Variants in LYPLAL1 observed in about 807,000 individuals in gnomAD.
The protein encoded by LYPLAL1 is lysophospholipase-like protein 1.
In LYPLAL1, 23 loss-of-function variants were observed where a neutral mutation model predicts 19.7. The observed-to-expected ratio is 1.17, with a 90% CI of 0.84 to 1.65. The LOEUF (loss-of-function observed/expected upper bound fraction) is 1.65. Among genes scored for constraint, LYPLAL1 ranks in the 40% most tolerant of loss-of-function variants. LYPLAL1 has a pLI of 0.00. For missense variants in LYPLAL1, 355 were observed against 279.4 expected (o/e 1.27, Z -1.93); for synonymous variants, 119 against 96.3 (o/e 1.24, Z -1.38).
the LYPLAL1 span, among the ~76,000 whole-genome samples, chr1:219,374,160 C>T: frequency 1.0e-4 from 14 of 140,364 alleles, no homozygotes; most frequent in Middle Eastern, 3.7e-3. Context: ...TTGGTGGGGG[C>T]GGTATGGATA....
chr1:219,348,516 A>G, the LYPLAL1 span, among the ~76,000 whole-genome samples: 1 of 152,230 alleles, frequency 6.6e-6, no homozygotes, highest in Non-Finnish European at 1.5e-5. Context: ...TTTTCAAGAA[A>G]GAATATGTCT....
the LYPLAL1 span, among the ~76,000 whole-genome samples, chr1:219,425,003 T>G: frequency 6.6e-6 from 1 of 152,206 alleles, no homozygotes; most frequent in African/African-American, 2.4e-5. Context: ...CCGTTCAAAC[T>G]ACAATAACAA....
chr1:219,279,145 G>A, the LYPLAL1 span, among the ~76,000 whole-genome samples: 30,207 of 151,984 alleles, frequency 0.2, 3,203 homozygotes, highest in Middle Eastern at 0.24. Context: ...TGCCTCCTCC[G>A]CCAACAGCTA....
chr1:219,200,275 C>T (rs771318368), intron 3 of LYPLAL1: 1 of 223,642 alleles, frequency 4.5e-6, no homozygotes, highest in Non-Finnish European at 9.7e-6. Context: ...TTCTTCACTA[C>T]CATTTGTAGC....
chr1:219,285,316 A>G, the LYPLAL1 span, among the ~76,000 whole-genome samples: 4 of 152,212 alleles, frequency 2.6e-5, no homozygotes, highest in Admixed American at 2.0e-4. Flanking sequence ...GGACTGCTGT[A>G]TAATACAATG....
the LYPLAL1 span, among the ~76,000 whole-genome samples, chr1:219,427,078 A>G: frequency 6.6e-6 from 1 of 152,222 alleles, no homozygotes; most frequent in Admixed American, 6.5e-5. Context: ...CTTTATGCAA[A>G]TAAGTGTTAA....
In LYPLAL1 at chr1:219,212,578, A is replaced by G. The variant is rs1031757993; in HGVS notation, c.*850A>G. On this transcript the variant is annotated 3_prime_UTR_variant, in exon 5 of 5. Transcript: ENST00000366928. ...TTCATATATTAGTTGGTTCTCATGC[A>G]TACATAATCTAATTTTATTTGATCC... 6.6e-6 allele frequency: 1 copy of G among 152,046 alleles called. No homozygotes were observed. The highest frequency in any genetic ancestry group is 2.4e-5 in the African/African-American group (1 of 41,430). 9.4% of individuals were successfully genotyped at this position (152,046 alleles called of 1,614,324 possible).
chr1:219,262,063 A>T, the LYPLAL1 span, among the ~76,000 whole-genome samples: 146,864 of 152,124 alleles, frequency 0.97, 71,119 homozygotes, highest in East Asian at 1. Context: ...TTCTTATTTG[A>T]CTCTGTCTGA....
At chr1:219,310,755 A>G in the LYPLAL1 span, among the ~76,000 whole-genome samples, 1 of 152,026 alleles carries the variant, frequency 6.6e-6, no homozygotes, top group African/African-American at 2.4e-5. Flanking sequence ...CCCTATGGGA[A>G]AAACGAACAA....
the LYPLAL1 span, among the ~76,000 whole-genome samples, chr1:219,280,417 G>A: frequency 1.3e-5 from 2 of 152,048 alleles, no homozygotes; most frequent in African/African-American, 4.8e-5. Context: ...TGCTTTTCCA[G>A]GATTTGAATC....
chr1:219,336,758 C>T, the LYPLAL1 span, among the ~76,000 whole-genome samples: 1 of 151,970 alleles, frequency 6.6e-6, no homozygotes, highest in Admixed American at 6.6e-5. Context: ...TATAACCAAT[C>T]AGCTTGGGAA....
intron 2 of LYPLAL1, among the ~76,000 whole-genome samples, chr1:219,190,721 T>C (rs1317496503): frequency 6.7e-6 from 1 of 148,244 alleles, no homozygotes; most frequent in Non-Finnish European, 1.5e-5. Flanking sequence ...GCAACAAATA[T>C]TTGTCAATAA....
chr1:219,397,121 G>A, the LYPLAL1 span, among the ~76,000 whole-genome samples: 1 of 152,166 alleles, frequency 6.6e-6, no homozygotes, highest in Non-Finnish European at 1.5e-5. Flanking sequence ...TTTTTAACAT[G>A]AAGAAGTGTT....
chr1:219,400,479 C>CT, the LYPLAL1 span, among the ~76,000 whole-genome samples: 1 of 150,676 alleles, frequency 6.6e-6, no homozygotes, highest in African/African-American at 2.4e-5. Context: ...CCCTATCTAT[C>CT]TATCTATCTG....
chr1:219,252,611 A>G, the LYPLAL1 span, among the ~76,000 whole-genome samples: 1 of 151,972 alleles, frequency 6.6e-6, no homozygotes, highest in African/African-American at 2.4e-5. Context: ...TGTTAAATCA[A>G]CCTTCCATCT....
the LYPLAL1 span, among the ~76,000 whole-genome samples, chr1:219,344,954 C>G: frequency 2.6e-5 from 4 of 152,170 alleles, no homozygotes; most frequent in African/African-American, 9.7e-5. Flanking sequence ...CTTCCACCCA[C>G]AAAATCCTCC....
chr1:219,189,728 C>T (rs962688369), intron 2 of LYPLAL1, among the ~76,000 whole-genome samples: 2 of 151,470 alleles, frequency 1.3e-5, no homozygotes, highest in Non-Finnish European at 3.0e-5. Flanking sequence ...GCTCAGTCTG[C>T]AAAAATCTGC....
chr1:219,439,231 C>T, the LYPLAL1 span, among the ~76,000 whole-genome samples: 7 of 152,050 alleles, frequency 4.6e-5, no homozygotes, highest in Admixed American at 4.6e-4. Flanking sequence ...TACTGAAGTC[C>T]CCTTCTTGCA....
At chr1:219,223,932 A>C in the LYPLAL1 span, among the ~76,000 whole-genome samples, 1 of 152,102 alleles carries the variant, frequency 6.6e-6, no homozygotes, top group East Asian at 1.9e-4. Context: ...CTTTAGTTAA[A>C]AATCACTCTG....
Sources: allele counts gnomAD v4.1 joint callset (sites outside exome capture counted in the v4.1 genomes callset), GRCh38; gene constraint gnomAD v4.1.1; transcripts MANE v1.5; gene names NCBI Gene and HGNC (gene_info 2026-07-23, HGNC 2026-07-21).